PRKAG2: variants seen among roughly 807,000 people sequenced by gnomAD.
PRKAG2 encodes 5'-AMP-activated protein kinase subunit gamma-2.
Under a neutral mutation model 69.6 loss-of-function variants are expected in PRKAG2, and 26 were observed. That is an observed-to-expected ratio of 0.37 (90% confidence interval 0.27 to 0.52). The LOEUF is 0.52. Among genes scored for constraint, PRKAG2 ranks in the 20% least tolerant of loss-of-function variants. The probability of loss-of-function intolerance (pLI) is 0.90; values close to 1 mark genes in which losing one functional copy is unlikely to be tolerated. For synonymous variants in PRKAG2, 293 were observed against 285.0 expected, an observed-to-expected ratio of 1.03 and a Z score of -0.28; for missense variants, 557 against 740.0, an observed-to-expected ratio of 0.75 and a Z score of 2.87.
At chr7:151,838,486 T>C (rs932958892) in intron 1 of PRKAG2, among the ~76,000 whole-genome samples, 1 of 149,694 alleles carries the variant, frequency 6.7e-6, no homozygotes, top group South Asian at 2.1e-4. Context: ...AGCAGGAAGA[T>C]TGCTTGAGCC....
At chr7:151,604,032 G>A (rs1816880579) in intron 5 of PRKAG2, among the ~76,000 whole-genome samples, 1 of 152,178 alleles carries the variant, frequency 6.6e-6, no homozygotes, top group South Asian at 2.1e-4. Context: ...TGATGGACTG[G>A]TGGGTGGCTT....
intron 1 of PRKAG2, among the ~76,000 whole-genome samples, chr7:151,871,468 T>C (rs2080218731): frequency 6.6e-6 from 1 of 152,142 alleles, no homozygotes; most frequent in Admixed American, 6.5e-5. Flanking sequence ...TTCCTCTCCA[T>C]TGCATCCTCC....
At chr7:151,616,529 G>T (rs937838935) in intron 5 of PRKAG2, among the ~76,000 whole-genome samples, 5 of 152,244 alleles carry the variant, frequency 3.3e-5, no homozygotes, top group South Asian at 2.1e-4. Context: ...GGCCAGGAAA[G>T]CTGAGAGAAT....
intron 4 of PRKAG2, among the ~76,000 whole-genome samples, chr7:151,660,638 T>G (rs187026137): frequency 2.6e-5 from 4 of 152,328 alleles, no homozygotes; most frequent in African/African-American, 9.6e-5. Context: ...CCTCCAACAA[T>G]GAAACCATGT....
intron 1 of PRKAG2, among the ~76,000 whole-genome samples, chr7:151,819,907 A>G (rs2078729489): frequency 6.6e-6 from 1 of 152,238 alleles, no homozygotes; most frequent in Non-Finnish European, 1.5e-5. Context: ...CACCTCTACC[A>G]AATAAGCCAG....
At chr7:151,753,431 A>G (rs543172444) in intron 3 of PRKAG2, among the ~76,000 whole-genome samples, 3 of 152,344 alleles carry the variant, frequency 2.0e-5, no homozygotes, top group Admixed American at 2.0e-4. Flanking sequence ...GAATTCATAT[A>G]AACACACAGT....
intron 5 of PRKAG2, among the ~76,000 whole-genome samples, chr7:151,607,622 C>T (rs1443520856): frequency 1.3e-5 from 2 of 152,108 alleles, no homozygotes; most frequent in African/African-American, 4.8e-5. Flanking sequence ...TTCTAGAACT[C>T]GAACTCTAAC....
At chr7:151,799,220 C>T (rs955825248) in intron 1 of PRKAG2, among the ~76,000 whole-genome samples, 1 of 152,212 alleles carries the variant, frequency 6.6e-6, no homozygotes, top group Non-Finnish European at 1.5e-5. Context: ...GAGATTCAAG[C>T]AAGTTGCTCA....
intron 3 of PRKAG2, among the ~76,000 whole-genome samples, chr7:151,701,929 A>G (rs1457384120): frequency 6.6e-6 from 1 of 152,062 alleles, no homozygotes; most frequent in Non-Finnish European, 1.5e-5. Flanking sequence ...CAGGGCCTGC[A>G]GTAGAAACCA....
intron 3 of PRKAG2, among the ~76,000 whole-genome samples, chr7:151,739,222 CTATTAAAGATGT>C (rs1291426044): frequency 6.6e-6 from 1 of 152,194 alleles, no homozygotes; most frequent in East Asian, 1.9e-4. Flanking sequence ...TGGACCTGAC[CTATTAAAGATGT>C]GTAAGTGTGC....
At chr7:151,593,360 A>G (rs1455205100) in intron 6 of PRKAG2, among the ~76,000 whole-genome samples, 1 of 151,982 alleles carries the variant, frequency 6.6e-6, no homozygotes, top group Non-Finnish European at 1.5e-5. Context: ...GCTAATTTTA[A>G]TTTTTGTATT....
intron 6 of PRKAG2, among the ~76,000 whole-genome samples, chr7:151,582,903 G>T (rs1196971398): frequency 6.6e-6 from 1 of 152,218 alleles, no homozygotes; most frequent in Admixed American, 6.5e-5. Context: ...GTAGGGTGTG[G>T]ATTGAATAGG....
intron 1 of PRKAG2, among the ~76,000 whole-genome samples, chr7:151,859,009 G>A (rs922615900): frequency 6.6e-6 from 1 of 152,178 alleles, no homozygotes; most frequent in Non-Finnish European, 1.5e-5. Context: ...GTGACTCAAG[G>A]GGAGTTTTCA....
At chr7:151,688,127 G>T (rs994359260) in intron 3 of PRKAG2, among the ~76,000 whole-genome samples, 2 of 144,556 alleles carry the variant, frequency 1.4e-5, no homozygotes, top group African/African-American at 5.0e-5. Context: ...CAATTCAATA[G>T]GAGACCTGGG....
chr7:151,824,182 C>T lies in PRKAG2; in HGVS notation c.115-37641G>A, dbSNP rs150639771. ...AGGGACTCAAGGGCATGCCGTAAAT[C>T]GCCCTTGGTTCAGAATATTCATAAT... On this transcript the variant is annotated intron_variant, in intron 1 of 15. Transcript: ENST00000287878. Among the ~76,000 whole-genome samples the T allele has an allele frequency of 2.8e-4, 43 of 152,296 alleles. 1 individual carries two copies. The highest frequency in any genetic ancestry group is 2.2e-3 in the Admixed American group (34 of 15,306).
At chr7:151,562,244 C>CAAA (rs575674668) in intron 14 of PRKAG2, among the ~76,000 whole-genome samples, 11 of 38,460 alleles carry the variant, frequency 2.9e-4, no homozygotes, top group Non-Finnish European at 5.6e-4. Flanking sequence ...GACTTTGTCT[C>CAAA]AAAAAAAAAA....
At chr7:151,753,982 G>A (rs1446600488) in intron 3 of PRKAG2, among the ~76,000 whole-genome samples, 1 of 152,142 alleles carries the variant, frequency 6.6e-6, no homozygotes, top group East Asian at 1.9e-4. Flanking sequence ...TCGCACCACT[G>A]CACTCCAGCC....
At chr7:151,841,521 GGGA>G in intron 1 of PRKAG2, among the ~76,000 whole-genome samples, 1 of 145,402 alleles carries the variant, frequency 6.9e-6, no homozygotes, top group African/African-American at 2.6e-5. Flanking sequence ...AGTGATGGTA[GGGA>G]TGGTAGGGAT....
At chr7:151,711,163 TACTGAGGGTGCTAGGCTTAGAGA>T (rs1187784909) in intron 3 of PRKAG2, among the ~76,000 whole-genome samples, 39 of 151,454 alleles carry the variant, frequency 2.6e-4, no homozygotes, top group African/African-American at 4.9e-4. Flanking sequence ...AAGCTGAGAG[TACTGAGGGTGCTAGGCTTAGAGA>T]ACTGAGGGTG....
Sources: allele counts gnomAD v4.1 joint callset (sites outside exome capture counted in the v4.1 genomes callset), GRCh38; gene constraint gnomAD v4.1.1; transcripts MANE v1.5; gene names NCBI Gene and HGNC (gene_info 2026-07-23, HGNC 2026-07-21).